FLII: variants seen among roughly 807,000 people sequenced by gnomAD.
FLII encodes the protein protein flightless-1 homolog.
In FLII, 101 loss-of-function variants were observed where a neutral mutation model predicts 156.2. The observed-to-expected ratio is 0.65, with a 90% CI of 0.55 to 0.76. The LOEUF (loss-of-function observed/expected upper bound fraction) is 0.76, where lower values mean the gene tolerates loss of function less well. Among genes scored for constraint, FLII ranks in the 30% least tolerant of loss-of-function variants. The probability of loss-of-function intolerance (pLI) is 0.00; values close to 1 mark genes in which losing one functional copy is unlikely to be tolerated. For missense variants in FLII, 1,675 were observed against 1,682.8 expected (o/e 1.00, Z 0.08); for synonymous variants, 767 against 685.8 (o/e 1.12, Z -1.85).
rs780976347 is a variant in FLII, at chr17:18,251,065, GC to G, written c.1597-49del. 7.0e-6 allele frequency: 11 copies of G among 1,573,568 alleles called. No individual in the cohort carries two copies. In the South Asian group the frequency reaches 1.3e-4, roughly 18 times the overall value. On this transcript the variant is annotated intron_variant, in intron 13 of 29. Transcript: ENST00000327031. Reference sequence around the variant, plus strand: ...CATCAGCTTTCATCCTGGTCTTCCGGCCACCCCGGAGACGCCACTCTGAACA... The same window carrying G: ...CATCAGCTTTCATCCTGGTCTTCCGGCACCCCGGAGACGCCACTCTGAACA...
chr17:18,258,409 G>C lies in FLII; in HGVS notation c.63+219C>G, dbSNP rs958625124. 5 of 1,372,908 alleles carry C rather than the reference G, an allele frequency of 3.6e-6. No homozygotes were observed. In the Middle Eastern group the frequency reaches 7.9e-4, roughly 217 times the overall value. 85.0% of individuals were successfully genotyped at this position (1,372,908 alleles called of 1,614,324 possible). A position where few individuals can be genotyped will look rare whatever the true frequency, so the allele number is the denominator to read the frequency against. ...CCCCGGCGGGACTCCGAGCCCAAGCGTCCGTCCCCGGCCTGCCCAGCCTCG... is the reference window on the plus strand; with the variant it reads ...CCCCGGCGGGACTCCGAGCCCAAGCCTCCGTCCCCGGCCTGCCCAGCCTCG... On this transcript the variant is annotated intron_variant, in intron 1 of 29. Transcript: ENST00000327031. This position sits in a 1 kb window ranked among gnomAD's most constrained non-coding sequence, Gnocchi z 4.2.
In FLII at chr17:18,258,439, C is replaced by T. The variant is rs1321463591; in HGVS notation, c.63+189G>A. 4 of 1,492,756 alleles carry T rather than the reference C, an allele frequency of 2.7e-6. No homozygotes were observed. Among genetic ancestry groups the T allele is most frequent in the Non-Finnish European group, 3.6e-6 (4 of 1,122,068 alleles). 92.5% of individuals were successfully genotyped at this position (1,492,756 alleles called of 1,614,324 possible). On this transcript the variant is annotated intron_variant, in intron 1 of 29. Transcript: ENST00000327031. This position sits in a 1 kb window ranked among gnomAD's most constrained non-coding sequence, Gnocchi z 4.2. ...TCCCCGGCCTGCCCAGCCTCGGTCT[C>T]CCCGTACAGGCACTGGGCGGAGGCC... is the stretch of plus-strand genomic sequence containing the variant.
Position 18,256,611 on chromosome 17 carries a change from G to A in FLII, c.175-14C>T, listed in dbSNP as rs924724521. The A allele has an allele frequency of 6.4e-7, 1 of 1,550,892 alleles. No homozygotes were observed. Among genetic ancestry groups the A allele is most frequent in the Admixed American group, 2.0e-5 (1 of 51,014 alleles). On this transcript the variant is annotated splice_polypyrimidine_tract_variant and intron_variant, in intron 2 of 29. Coordinates refer to ENST00000327031, the MANE Select transcript of FLII (RefSeq NM_002018.4). Reference sequence around the variant, plus strand: ...AGACAAGTGTTCCTGGGCCGGAATGGGGAGCACAGGCTCAGCAGGGTGGGT... The same window carrying A: ...AGACAAGTGTTCCTGGGCCGGAATGAGGAGCACAGGCTCAGCAGGGTGGGT...
In FLII at chr17:18,252,056, G is replaced by A. The variant is rs1232379914; in HGVS notation, c.1189C>T (p.Gln397Ter). 6.2e-7 allele frequency: 1 copy of A among 1,613,350 alleles called. No homozygotes were observed. The highest frequency in any genetic ancestry group is 8.5e-7 in the Non-Finnish European group (1 of 1,180,038). ...GCACCCGCTAGCCGCAGCTGGTTCT[G>A]CAGCGAGAAGTCGATGTTGTACCAC... ...AEWYNIDFSL[Q>*]NQLRLAGASP... The change falls in exon 11 of 30, where the codon CAG (glutamine) becomes TAG (stop). Residue 397 changes from glutamine (Q) to a stop codon, truncating the protein, a stop_gained. Coordinates refer to ENST00000327031, the MANE Select transcript of FLII (RefSeq NM_002018.4). LOFTEE classifies it high-confidence loss of function.
In FLII at chr17:18,254,452, G is replaced by A. The variant is rs1309204287; in HGVS notation, c.575+69C>T. The A allele has an allele frequency of 6.1e-6, 9 of 1,468,330 alleles. No individual in the cohort carries two copies. In the African/African-American group the frequency reaches 8.4e-5, roughly 14 times the overall value. The allele number at this position is 1,468,330 out of a possible 1,614,324, so 91.0% of individuals were successfully genotyped here. ...TAAGGGAGAAGGGTTAGGGCCCTGG[G>A]AAGTGAAGGGGCCCGGCCAGACTCC... On this transcript the variant is annotated intron_variant, in intron 6 of 29. Coordinates refer to ENST00000327031, the MANE Select transcript of FLII (RefSeq NM_002018.4).
chr17:18,254,581 C>T lies in FLII; in HGVS notation c.515G>A (p.Arg172His), dbSNP rs1275991091. 4 of 1,613,542 alleles carry T rather than the reference C, an allele frequency of 2.5e-6. No homozygotes were observed. Among genetic ancestry groups the T allele is most frequent in the African/African-American group, 1.3e-5 (1 of 74,852 alleles). Residue 172 changes from arginine to histidine, a missense_variant, in exon 6 of 30, where the codon CGC (arginine) becomes CAC (histidine). Transcript: ENST00000327031. ...CACGAGCGTCTGCAGGTGCACCAGG[C>T]GGCGCATCTGCGGGGGCAGGCTCTC... ...RLESLPPQMR[R>H]LVHLQTLVLN...
chr17:18,257,684 CCCCAG>C (rs2048465534), intron 1 of FLII, among the ~76,000 whole-genome samples: 1 of 152,226 alleles, frequency 6.6e-6, no homozygotes, highest in Non-Finnish European at 1.5e-5. Context: ...GGAACGGGGA[CCCCAG>C]GTTAGGGTGG....
In FLII at chr17:18,248,550, C is replaced by T; in HGVS notation, c.2190G>A (p.Lys730=). 1.2e-6 allele frequency: 2 copies of T among 1,607,262 alleles called. No homozygotes were observed. Among genetic ancestry groups the T allele is most frequent in the South Asian group, 2.2e-5 (2 of 90,904 alleles). ...DFWPPQPKLY[K]VGLGLGYLEL... is the part of the protein sequence containing the mutation. ...GGTGGGCCTCAGCAGCAGGGCTCAC[C>T]TTGTACAGCTTGGGCTGCGGCGGCC... Residue 730 remains lysine (K), a splice_region_variant and synonymous_variant, in exon 18 of 30, where the codon AAG becomes AAA. Coordinates refer to ENST00000327031, the MANE Select transcript of FLII (RefSeq NM_002018.4).
At chr17:18,247,450 T>G in intron 20 of FLII, 93 bp from the exon 21 acceptor site, 2 of 1,296,644 alleles carry the variant, frequency 1.5e-6, no homozygotes, top group Non-Finnish European at 2.1e-6. Context: ...CCAAGGGAGA[T>G]CTAGGGCGGG....
Position 18,248,048 on chromosome 17 carries a change from G to A in FLII, c.2191-15C>T, listed in dbSNP as rs748106207. Reference sequence around the variant, plus strand: ...CCCAGGCCCACCTGGCAGGAAGGATGAGCATGGCAGGGAAGGGATCTGGAG... The same window carrying A: ...CCCAGGCCCACCTGGCAGGAAGGATAAGCATGGCAGGGAAGGGATCTGGAG... On this transcript the variant is annotated splice_polypyrimidine_tract_variant and intron_variant, in intron 18 of 29. Transcript: ENST00000327031. The A allele has an allele frequency of 2.0e-5, 32 of 1,578,714 alleles. No individual in the cohort carries two copies. Among genetic ancestry groups the A allele is most frequent in the Non-Finnish European group, 2.6e-5 (30 of 1,149,316 alleles).
intron 10 of FLII, 41 bp from the exon 11 acceptor site, chr17:18,252,187 C>G: frequency 4.5e-6 from 7 of 1,563,214 alleles, no homozygotes; most frequent in Non-Finnish European, 6.2e-6. Flanking sequence ...GAGCCTGGGT[C>G]CTACCTCCCA....
chr17:18,257,070 T>G, intron 1 of FLII, 51 bp from the exon 2 acceptor site: 1 of 1,258,008 alleles, frequency 7.9e-7, no homozygotes, highest in Non-Finnish European at 1.1e-6. Flanking sequence ...CACCACCTTC[T>G]ATGGCTCCTC....
At position 18,245,435 on chromosome 17, in the gene FLII, G is replaced by A; in HGVS notation, c.3610-16C>T. On this transcript the variant is annotated splice_polypyrimidine_tract_variant and intron_variant, in intron 28 of 29. Transcript: ENST00000327031. ...ACATGTAGACCTGTGGGGGCAGCAG[G>A]GGAGATACGGTTGCATGGGTGCCTG... The A allele has an allele frequency of 6.2e-7, 1 of 1,613,910 alleles. No homozygotes were observed. The highest frequency in any genetic ancestry group is 8.5e-7 in the Non-Finnish European group (1 of 1,179,780).
intron 2 of FLII, 50 bp downstream of exon 2, chr17:18,256,859 C>T (rs764229588): frequency 1.6e-6 from 2 of 1,255,422 alleles, no homozygotes; most frequent in South Asian, 2.6e-5. Flanking sequence ...AGGCTCTGCC[C>T]ACCTGGCTCA....
In FLII at chr17:18,257,651, G is replaced by A. The variant is rs1053335726; in HGVS notation, c.64-632C>T. Among the ~76,000 whole-genome samples the A allele has an allele frequency of 5.5e-4, 83 of 152,190 alleles. 1 individual carries two copies. Among genetic ancestry groups the A allele is most frequent in the Non-Finnish European group, 6.9e-4 (47 of 68,042 alleles). Reference sequence around the variant, plus strand: ...GCGCCACATTCCCAGCTGGTGACTCGGACTCTCCCAGTTCAGCAAAGAGGA... The same window carrying A: ...GCGCCACATTCCCAGCTGGTGACTCAGACTCTCCCAGTTCAGCAAAGAGGA... On this transcript the variant is annotated intron_variant, in intron 1 of 29. Transcript: ENST00000327031.
chr17:18,255,597 G>A (rs2048390921), intron 3 of FLII, among the ~76,000 whole-genome samples: 3 of 152,166 alleles, frequency 2.0e-5, no homozygotes, highest in Admixed American at 2.0e-4. Flanking sequence ...AGAACAGAGG[G>A]AGAGAAGTGG....
intron 6 of FLII, 123 bp downstream of exon 6, chr17:18,254,398 T>G (rs1597920054): frequency 1.0e-6 from 1 of 1,000,952 alleles, no homozygotes. Flanking sequence ...CACTGAGGGG[T>G]GCTGCCTGCA....
At chr17:18,247,381 C>T (rs910462044) in intron 20 of FLII, 24 bp from the exon 21 acceptor site, 4 of 1,580,370 alleles carry the variant, frequency 2.5e-6, no homozygotes, top group African/African-American at 1.4e-5. Context: ...CATCAACTAA[C>T]CATGAGGGGT....
chr17:18,246,764 C>A lies in FLII; in HGVS notation c.2881G>T (p.Gly961Cys), dbSNP rs566163422. 1.9e-6 allele frequency: 3 copies of A among 1,613,952 alleles called. No homozygotes were observed. In the South Asian group the frequency reaches 3.3e-5, roughly 18 times the overall value. ...GCGGTTGCTTCCTCGCCTTCTTTGC[C>A]CTCGGCCTTCTCCTCCTTGTCTTCC... is the stretch of plus-strand genomic sequence containing the variant. ...KKEDKEEKAE[G>C]KEGEEATAEA... Residue 961 changes from glycine to cysteine, a missense_variant, in exon 23 of 30, where the codon GGC becomes TGC. Transcript: ENST00000327031.
Sources: gnomAD v4.1 joint callset for allele counts (sites outside exome capture counted in the v4.1 genomes callset) on GRCh38, gnomAD v4.1.1 for gene constraint, Gnocchi (gnomAD v3.1) non-coding constraint, MANE v1.5 for transcripts, NCBI Gene and HGNC (gene_info 2026-07-23, HGNC 2026-07-21) for gene names.